The following ADIPOQ variants were observed in gnomAD, a reference collection of about 807,000 sequenced individuals.
ADIPOQ encodes adiponectin.
In ADIPOQ, 19 loss-of-function variants were observed where a neutral mutation model predicts 16.1. That is an observed-to-expected ratio of 1.18 (90% CI 0.82 to 1.73). ADIPOQ has a LOEUF of 1.73. Among genes scored for constraint, ADIPOQ ranks in the 40% most tolerant of loss-of-function variants. ADIPOQ has a pLI of 0.00. For missense variants in ADIPOQ, 323 were observed against 308.3 expected (o/e 1.05, Z -0.36); for synonymous variants, 124 against 125.5 (o/e 0.99, Z 0.08).
chr3:186,848,755 T>C (rs1324961457), intron 1 of ADIPOQ, among the ~76,000 whole-genome samples: 1 of 152,146 alleles, frequency 6.6e-6, no homozygotes. Context: ...GATAAATAAA[T>C]AAGTAAAATA....
rs772679671 is a variant in ADIPOQ at position 186,844,720 on chromosome 3, A to AT, written c.-9+1977dup. On this transcript the variant is annotated intron_variant, in intron 1 of 2. Coordinates refer to ENST00000320741, the MANE Select transcript of ADIPOQ (RefSeq NM_004797.4). ...AACCATGCCTGGCTAATTTTTAAAA[A>AT]TTTTTTGTAGAGATGAGGTCTCACT... Among the ~76,000 whole-genome samples the AT allele has an allele frequency of 1.4e-3, 214 of 151,968 alleles. 5 individuals are homozygous for AT. The highest frequency in any genetic ancestry group is 1.6e-3 in the Non-Finnish European group (106 of 67,956).
rs4686803 is a variant in ADIPOQ, at chr3:186,856,550, C to T, written c.*1846C>T. ...TACTGCAACCTTTGCCTCCCAGGTT[C>T]AAGCGATTCTTCTGCCTCAGCCTCC... is the stretch of plus-strand genomic sequence containing the variant. On this transcript the variant is annotated 3_prime_UTR_variant, in exon 3 of 3. Coordinates refer to ENST00000320741, the MANE Select transcript of ADIPOQ (RefSeq NM_004797.4). The T allele has an allele frequency of 0.11, 16,541 of 152,166 alleles. 1,147 individuals carry two copies. The highest frequency in any genetic ancestry group is 0.29 in the East Asian group (1,499 of 5,160). 9.4% of individuals were successfully genotyped at this position (152,166 alleles called of 1,614,324 possible).
At position 186,854,279 on chromosome 3, in the gene ADIPOQ, C is replaced by A. The variant is rs1372397385; in HGVS notation, c.310C>A (p.Pro104Thr). Residue 104 changes from proline to threonine, a missense_variant, in exon 3 of 3, where the codon CCT (proline) becomes ACT (threonine). Coordinates refer to ENST00000320741, the MANE Select transcript of ADIPOQ (RefSeq NM_004797.4). ...FPGIQGRKGE[P>T]GEGAYVYRSA... ...GGGAATCCAAGGCAGGAAAGGAGAA[C>A]CTGGAGAAGGTGCCTATGTATACCG... The A allele has an allele frequency of 1.1e-5, 17 of 1,613,934 alleles. No individual in the cohort carries two copies. Among genetic ancestry groups the A allele is most frequent in the Non-Finnish European group, 1.4e-5 (16 of 1,179,926 alleles).
At chr3:186,844,798 C>A (rs1251359500) in intron 1 of ADIPOQ, among the ~76,000 whole-genome samples, 1 of 152,126 alleles carries the variant, frequency 6.6e-6, no homozygotes, top group Non-Finnish European at 1.5e-5. Context: ...CCCACCTCAG[C>A]CTCCCAAAAG....
Position 186,854,399 on chromosome 3 carries a change from G to C in ADIPOQ, c.430G>C (p.Asp144His), listed in dbSNP as rs1167346536. ...KIFYNQQNHY[D>H]GSTGKFHCNI... is the part of the protein sequence containing the mutation. ...CTTCTACAATCAGCAAAACCACTAT[G>C]ATGGCTCCACTGGTAAATTCCACTG... Residue 144 changes from aspartate (D) to histidine (H), a missense_variant, in exon 3 of 3, where the codon GAT becomes CAT. Coordinates refer to ENST00000320741, the MANE Select transcript of ADIPOQ (RefSeq NM_004797.4). The C allele has an allele frequency of 5.6e-6, 9 of 1,614,104 alleles. No homozygotes were observed. In the Admixed American group the frequency reaches 1.0e-4, roughly 18 times the overall value.
At chr3:186,849,579 T>A (rs866319409) in intron 1 of ADIPOQ, among the ~76,000 whole-genome samples, 9 of 152,178 alleles carry the variant, frequency 5.9e-5, no homozygotes, top group Middle Eastern at 3.2e-3. Flanking sequence ...ATATAAATGA[T>A]GGTAGTGGGT....
At chr3:186,852,984 A>G in intron 1 of ADIPOQ, 67 bp from the exon 2 acceptor site, 1 of 1,545,762 alleles carries the variant, frequency 6.5e-7, no homozygotes, top group Admixed American at 1.7e-5. Flanking sequence ...AGTCCTTTGT[A>G]GGTCCCAACT....
In ADIPOQ at chr3:186,854,726, C is replaced by T; in HGVS notation, c.*22C>T. The T allele has an allele frequency of 6.2e-7, 1 of 1,613,588 alleles. No homozygotes were observed. Among genetic ancestry groups the T allele is most frequent in the Non-Finnish European group, 8.5e-7 (1 of 1,179,970 alleles). ...CTGATCACCACTAACTCAGAGCCTC[C>T]TCCAGGCCAAACAGCCCCAAAGTCA... On this transcript the variant is annotated 3_prime_UTR_variant, in exon 3 of 3. Coordinates refer to ENST00000320741, the MANE Select transcript of ADIPOQ (RefSeq NM_004797.4).
At position 186,854,951 on chromosome 3, in the gene ADIPOQ, T is replaced by C. The variant is rs752111207; in HGVS notation, c.*247T>C. On this transcript the variant is annotated 3_prime_UTR_variant, in exon 3 of 3. Transcript: ENST00000320741. ...TAGAAAGAAGTAGTTGACAGTGCTA[T>C]TTTGTGCCCACTGTCTCTCCTGATG... 7 of 556,810 alleles carry C rather than the reference T, an allele frequency of 1.3e-5. No homozygotes were observed. Among genetic ancestry groups the C allele is most frequent in the Non-Finnish European group, 2.2e-5 (7 of 316,112 alleles). The allele number at this position is 556,810 out of a possible 1,614,324, so 34.5% of individuals were successfully genotyped here.
intron 2 of ADIPOQ, 90 bp downstream of exon 2, chr3:186,853,362 C>A: frequency 6.8e-7 from 1 of 1,463,064 alleles, no homozygotes; most frequent in Non-Finnish European, 9.4e-7. Context: ...GGCCTAGACA[C>A]AGGGAGAAAG....
At position 186,854,326 on chromosome 3, in the gene ADIPOQ, G is replaced by T; in HGVS notation, c.357G>T (p.Leu119Phe). Residue 119 changes from leucine to phenylalanine, a missense_variant, in exon 3 of 3, where the codon TTG becomes TTT. Transcript: ENST00000320741. ...ACCGCTCAGCATTCAGTGTGGGATT[G>T]GAGACTTACGTTACTATCCCCAACA... Reference protein sequence around the residue: ...YVYRSAFSVGLETYVTIPNMP... With the variant: ...YVYRSAFSVGFETYVTIPNMP... The T allele has an allele frequency of 6.2e-7, 1 of 1,614,188 alleles. No homozygotes were observed. Among genetic ancestry groups the T allele is most frequent in the Non-Finnish European group, 8.5e-7 (1 of 1,180,026 alleles).
rs1711858322 is a variant in ADIPOQ at position 186,853,303 on chromosome 3, G to C, written c.214+31G>C. 3 of 1,556,408 alleles carry C rather than the reference G, an allele frequency of 1.9e-6. No individual in the cohort carries two copies. The East Asian group carries it at 7.2e-5, about 37-fold the overall frequency. ...AATGTTTCTGGCCTCTTTCATCACA[G>C]ACCTCCTACACTGATATAAACTATA... On this transcript the variant is annotated intron_variant, in intron 2 of 2. Transcript: ENST00000320741.
intron 1 of ADIPOQ, among the ~76,000 whole-genome samples, chr3:186,844,204 T>C (rs1375161672): frequency 3.9e-5 from 6 of 152,098 alleles, no homozygotes; most frequent in African/African-American, 1.4e-4. Context: ...GAGTCTTTTT[T>C]TGGCACAATC....
intron 2 of ADIPOQ, chr3:186,853,929 GCTGGCAGGGTGGAGGGT>G: frequency 2.5e-6 from 1 of 402,644 alleles, no homozygotes; most frequent in Non-Finnish European, 4.4e-6. Context: ...CACATAAAGG[GCTGGCAGGGTGGAGGGT>G]CTATGATAGA....
In ADIPOQ at chr3:186,853,234, A is replaced by G. The variant is rs1459177027; in HGVS notation, c.176A>G (p.Asp59Gly). ...HNGAPGRDGR[D>G]GTPGEKGEKG... Reference sequence around the variant, plus strand: ...GGGGCCCCAGGCCGTGATGGCAGAGATGGCACCCCTGGTGAGAAGGGTGAG... The same window carrying G: ...GGGGCCCCAGGCCGTGATGGCAGAGGTGGCACCCCTGGTGAGAAGGGTGAG... Residue 59 changes from aspartate (D) to glycine (G), a missense_variant, in exon 2 of 3, where the codon GAT becomes GGT. By Grantham distance (94) the Asp-to-Gly change is moderately conservative. Coordinates refer to ENST00000320741, the MANE Select transcript of ADIPOQ (RefSeq NM_004797.4). The G allele has an allele frequency of 3.7e-6, 6 of 1,612,772 alleles. No individual in the cohort carries two copies. In the African/African-American group the frequency reaches 6.7e-5, roughly 18 times the overall value.
Position 186,845,181 on chromosome 3 carries a change from T to G in ADIPOQ, c.-9+2432T>G, listed in dbSNP as rs1002745141. Reference sequence around the variant, plus strand: ...GTGTGCGCGTGCATAGGTGGAGGTGTGTGTATGGGTGCGGGTATGTGTGTG... The same window carrying G: ...GTGTGCGCGTGCATAGGTGGAGGTGGGTGTATGGGTGCGGGTATGTGTGTG... On this transcript the variant is annotated intron_variant, in intron 1 of 2. Coordinates refer to ENST00000320741, the MANE Select transcript of ADIPOQ (RefSeq NM_004797.4). 1.1e-4 allele frequency among the ~76,000 whole-genome samples: 17 copies of G among 151,280 alleles called. 1 individual carries two copies. Among genetic ancestry groups the G allele is most frequent in the African/African-American group, 4.1e-4 (17 of 41,158 alleles).
intron 1 of ADIPOQ, among the ~76,000 whole-genome samples, chr3:186,848,604 G>T (rs1225017871): frequency 6.6e-6 from 1 of 152,078 alleles, no homozygotes; most frequent in African/African-American, 2.4e-5. Flanking sequence ...ATGGGTGAGG[G>T]TTCCTTGGAG....
At chr3:186,848,443 C>A (rs991514706) in intron 1 of ADIPOQ, among the ~76,000 whole-genome samples, 1 of 152,028 alleles carries the variant, frequency 6.6e-6, no homozygotes, top group Non-Finnish European at 1.5e-5. Flanking sequence ...ATTAAGGAAA[C>A]GATCCCTGAG....
At chr3:186,845,077 C>T (rs1375887516) in intron 1 of ADIPOQ, among the ~76,000 whole-genome samples, 7 of 151,016 alleles carry the variant, frequency 4.6e-5, no homozygotes, top group Admixed American at 2.0e-4. Context: ...TGTGCGCGCG[C>T]GCACACTCAT....
Sources: gnomAD v4.1 joint callset for allele counts (sites outside exome capture counted in the v4.1 genomes callset) on GRCh38, gnomAD v4.1.1 for gene constraint, MANE v1.5 for transcripts, NCBI Gene and HGNC (gene_info 2026-07-23, HGNC 2026-07-21) for gene names.